Variants in OSTN observed in about 807,000 individuals in gnomAD.
OSTN encodes osteocrin.
In OSTN, 9 loss-of-function variants were observed where a neutral mutation model predicts 12.0. The ratio of observed to expected loss-of-function variants is 0.75; its 90% CI spans 0.45 to 1.30. The LOEUF (loss-of-function observed/expected upper bound fraction) is 1.30. OSTN is among the 50% of genes most tolerant of loss of function. The pLI is 0.00. For missense variants in OSTN, 148 were observed against 152.3 expected, an observed-to-expected ratio of 0.97 and a Z score of 0.15; for synonymous variants, 59 against 56.9, an observed-to-expected ratio of 1.04 and a Z score of -0.16.
chr3:191,222,653 A>C (rs1714796850), intron 3 of OSTN, among the ~76,000 whole-genome samples: 1 of 152,118 alleles, frequency 6.6e-6, no homozygotes, highest in Non-Finnish European at 1.5e-5. Context: ...GGAAGGGATG[A>C]TCATGTTTTG....
At chr3:191,247,890 G>T (rs886524220) in intron 3 of OSTN, among the ~76,000 whole-genome samples, 3 of 152,142 alleles carry the variant, frequency 2.0e-5, no homozygotes, top group Non-Finnish European at 4.4e-5. Context: ...TTTGAGGGCA[G>T]TGGTGCGATC....
intron 3 of OSTN, among the ~76,000 whole-genome samples, chr3:191,240,506 T>C (rs1422254548): frequency 5.3e-5 from 8 of 152,236 alleles, no homozygotes; most frequent in Non-Finnish European, 1.0e-4. Context: ...TCTCATGGTA[T>C]TAGATATCTA....
At chr3:191,225,436 A>G (rs752384432) in intron 3 of OSTN, among the ~76,000 whole-genome samples, 1 of 152,088 alleles carries the variant, frequency 6.6e-6, no homozygotes, top group Non-Finnish European at 1.5e-5. Context: ...TTCAGAGAAT[A>G]TTTTTTTAAA....
chr3:191,222,825 G>C (rs1454232524), intron 3 of OSTN, among the ~76,000 whole-genome samples: 1 of 151,984 alleles, frequency 6.6e-6, no homozygotes, highest in African/African-American at 2.4e-5. Flanking sequence ...CTACCCCCAT[G>C]CTGCTGTTCT....
chr3:191,202,350 C>A (rs1714168979), intron 1 of OSTN, among the ~76,000 whole-genome samples: 1 of 152,164 alleles, frequency 6.6e-6, no homozygotes, highest in South Asian at 2.1e-4. Flanking sequence ...AAGGAAATCC[C>A]TAGACAGGAC....
chr3:191,255,289 C>G (rs375426074), intron 4 of OSTN, among the ~76,000 whole-genome samples: 1 of 152,188 alleles, frequency 6.6e-6, no homozygotes, highest in African/African-American at 2.4e-5. Context: ...CTGTGTGGCT[C>G]AGTTCCTAAC....
At chr3:191,246,990 C>A (rs182771854) in intron 3 of OSTN, among the ~76,000 whole-genome samples, 33 of 152,304 alleles carry the variant, frequency 2.2e-4, no homozygotes, top group Admixed American at 1.3e-3. Flanking sequence ...TTAATCCTGT[C>A]TGCAAAATGC....
chr3:191,232,345 A>T lies in OSTN; in HGVS notation c.317+13384A>T, dbSNP rs113297970. 1.4e-3 allele frequency among the ~76,000 whole-genome samples: 145 copies of T among 100,054 alleles called. 1 individual carries two copies. The highest frequency in any genetic ancestry group is 1.3e-3 in the Non-Finnish European group (50 of 37,722). The allele number at this position is 100,054 out of a possible 152,430, so 65.6% of individuals were successfully genotyped here. The stretch of plus-strand genomic sequence containing the variant: ...GAGACTCTGTCTAAAAAAAAAAAAA[A>T]AAAAAAAAAAAAAAAATTGTTGTAA... On this transcript the variant is annotated intron_variant, in intron 3 of 4. Transcript: ENST00000682035.
rs184905061 is a variant in OSTN at position 191,256,824 on chromosome 3, T to C, written c.*13-6042T>C. 8.5e-5 allele frequency among the ~76,000 whole-genome samples: 13 copies of C among 152,266 alleles called. No individual in the cohort carries two copies. In the East Asian group the frequency reaches 2.3e-3, roughly 27 times the overall value. On this transcript the variant is annotated intron_variant, in intron 4 of 4. Transcript: ENST00000682035. Reference sequence around the variant, plus strand: ...CAGTTTTATAACCTCTTACAATTTTTAAAATTTCTTCAATTTAAAACAATC... The same window carrying C: ...CAGTTTTATAACCTCTTACAATTTTCAAAATTTCTTCAATTTAAAACAATC...
At chr3:191,228,080 C>T (rs114278018) in intron 3 of OSTN, among the ~76,000 whole-genome samples, 2,094 of 152,130 alleles carry the variant, frequency 0.014, 57 homozygotes, top group African/African-American at 0.048. Flanking sequence ...ACTAGCAATA[C>T]GATTTTTCAA....
chr3:191,248,129 G>A (rs937345045), intron 3 of OSTN, among the ~76,000 whole-genome samples: 2 of 151,866 alleles, frequency 1.3e-5, no homozygotes, highest in Non-Finnish European at 2.9e-5. Flanking sequence ...CCACTGCGCC[G>A]GGCCTCCGAG....
At chr3:191,235,887 A>G (rs984767898) in intron 3 of OSTN, among the ~76,000 whole-genome samples, 9 of 151,606 alleles carry the variant, frequency 5.9e-5, no homozygotes, top group African/African-American at 2.2e-4. Flanking sequence ...TATCAAGCCA[A>G]TTCTCACAGC....
chr3:191,222,849 G>A (rs1353069233), intron 3 of OSTN, among the ~76,000 whole-genome samples: 1 of 152,050 alleles, frequency 6.6e-6, no homozygotes, highest in African/African-American at 2.4e-5. Context: ...GAGAGTGAGT[G>A]AGTTCTCATG....
intron 3 of OSTN, among the ~76,000 whole-genome samples, chr3:191,225,761 G>A (rs533678317): frequency 6.6e-6 from 1 of 152,138 alleles, no homozygotes; most frequent in South Asian, 2.1e-4. Context: ...ACTTATAAGT[G>A]GAAGCTAAAC....
chr3:191,214,533 G>T (rs1714555930), intron 2 of OSTN, among the ~76,000 whole-genome samples: 1 of 151,172 alleles, frequency 6.6e-6, no homozygotes, highest in Non-Finnish European at 1.5e-5. Context: ...TGCAAGAACT[G>T]ACGAGACTTA....
chr3:191,215,082 T>C (rs1714573374), intron 2 of OSTN, among the ~76,000 whole-genome samples: 1 of 152,182 alleles, frequency 6.6e-6, no homozygotes, highest in Admixed American at 6.5e-5. Flanking sequence ...TGACTTATAG[T>C]TCTGCATGGC....
At chr3:191,241,849 A>T (rs1365662596) in intron 3 of OSTN, among the ~76,000 whole-genome samples, 1 of 152,174 alleles carries the variant, frequency 6.6e-6, no homozygotes, top group South Asian at 2.1e-4. Flanking sequence ...AACCAAAAAG[A>T]AGGTGCAATT....
intron 1 of OSTN, among the ~76,000 whole-genome samples, chr3:191,203,880 T>C (rs764927311): frequency 4.6e-5 from 7 of 152,034 alleles, no homozygotes; most frequent in Non-Finnish European, 8.8e-5. Context: ...ATTCCTGATA[T>C]TTTATTTATT....
intron 3 of OSTN, among the ~76,000 whole-genome samples, chr3:191,242,583 C>G (rs569235868): frequency 6.6e-6 from 1 of 151,960 alleles, no homozygotes; most frequent in African/African-American, 2.4e-5. Flanking sequence ...TGTTTTGTGA[C>G]GGGGTCTCTT....
Sources: gnomAD v4.1 joint callset for allele counts (sites outside exome capture counted in the v4.1 genomes callset) on GRCh38, gnomAD v4.1.1 for gene constraint, MANE v1.5 for transcripts, NCBI Gene and HGNC (gene_info 2026-07-23, HGNC 2026-07-21) for gene names.